Variants in TNRC18 observed in about 807,000 individuals in gnomAD.
TNRC18 encodes the protein trinucleotide repeat containing 18.
A neutral mutation model predicts 226.7 loss-of-function variants in TNRC18; 69 were observed. That is an observed-to-expected ratio of 0.30 (90% CI 0.25 to 0.37). The LOEUF (loss-of-function observed/expected upper bound fraction) is 0.37. Among genes scored for constraint, TNRC18 ranks in the 10% least tolerant of loss-of-function variants. The pLI, the probability that TNRC18 is intolerant of heterozygous loss-of-function variation, is 1.00. For missense variants in TNRC18, 4,754 were observed against 4,256.6 expected (o/e 1.12, Z -3.25); for synonymous variants, 2,449 against 1,927.6 (o/e 1.27, Z -7.09).
At chr7:5,384,833 G>A (rs1381810818) in intron 5 of TNRC18, among the ~76,000 whole-genome samples, 2 of 152,104 alleles carry the variant, frequency 1.3e-5, no homozygotes, top group Non-Finnish European at 2.9e-5. Context: ...AGAGTGTAGC[G>A]GGGCTTCCCT....
In TNRC18 at chr7:5,356,956, G is replaced by T; in HGVS notation, c.5154C>A (p.Ala1718=). ...TCACTTCCGAGGCAAACGGGGAATG[G>T]GCCGACTTGGGCTGGCCTCTGGCCT... The part of the protein sequence containing the change: ...GFKARGQPKS[A]HSPFASEVSS... Residue 1718 remains alanine (A), a synonymous_variant, in exon 16 of 30, where the codon GCC becomes GCA. Coordinates refer to ENST00000430969, the MANE Select transcript of TNRC18 (RefSeq NM_001080495.3). 6.4e-7 allele frequency: 1 copy of T among 1,551,504 alleles called. No individual in the cohort carries two copies. The highest frequency in any genetic ancestry group is 8.7e-7 in the Non-Finnish European group (1 of 1,146,814).
chr7:5,401,120 C>T (rs1444434641), intron 2 of TNRC18, among the ~76,000 whole-genome samples: 1 of 151,810 alleles, frequency 6.6e-6, no homozygotes, highest in East Asian at 1.9e-4. Flanking sequence ...GAGTGACTCA[C>T]CCACCATGTC....
rs756390137 is a variant in TNRC18 at position 5,357,289 on chromosome 7, G to C, written c.4834-13C>G. 1.2e-6 allele frequency: 2 copies of C among 1,602,844 alleles called. No individual in the cohort carries two copies. The highest frequency in any genetic ancestry group is 1.7e-6 in the Non-Finnish European group (2 of 1,174,046). ...TCTTAATCTTTAGCTGGAGAGGGAA[G>C]GTGGGTCATGGGTTAAAAGATCTGA... On this transcript the variant is annotated splice_polypyrimidine_tract_variant and intron_variant, in intron 15 of 29. Coordinates refer to ENST00000430969, the MANE Select transcript of TNRC18 (RefSeq NM_001080495.3).
At chr7:5,356,495 G>T (rs550223945) in intron 16 of TNRC18, among the ~76,000 whole-genome samples, 2 of 152,368 alleles carry the variant, frequency 1.3e-5, no homozygotes, top group South Asian at 4.1e-4. Context: ...GTGGGTAGGG[G>T]AGTCCGGTCA....
chr7:5,308,927 C>T lies in TNRC18; in HGVS notation c.8648G>A (p.Arg2883His), dbSNP rs368952480. 55 of 1,509,822 alleles carry T rather than the reference C, an allele frequency of 3.6e-5. No homozygotes were observed. In the Admixed American group the frequency reaches 3.7e-4, roughly 10 times the overall value. 93.5% of individuals were successfully genotyped at this position (1,509,822 alleles called of 1,614,324 possible). A position where few individuals can be genotyped will look rare whatever the true frequency, so the allele number is the denominator to read the frequency against. Residue 2883 changes from arginine to histidine, a missense_variant, in exon 29 of 30, where the codon CGC becomes CAC. Coordinates refer to ENST00000430969, the MANE Select transcript of TNRC18 (RefSeq NM_001080495.3). Reference sequence around the variant, plus strand: ...GACCCGCAGGGCCGCCGGGAGGCTGCGGCTGGACTTCTGGTCCCAGTGCTG... The same window carrying T: ...GACCCGCAGGGCCGCCGGGAGGCTGTGGCTGGACTTCTGGTCCCAGTGCTG... ...QGQHWDQKSS[R>H]SLPAALRVSS...
At chr7:5,420,353 T>C (rs75583325) in intron 2 of TNRC18, 47,246 of 455,864 alleles carry the variant, frequency 0.1, 6,645 homozygotes, top group African/African-American at 0.46. Flanking sequence ...ACCGCGATGG[T>C]CCGGTTTCGG....
At position 5,321,064 on chromosome 7, in the gene TNRC18, C is replaced by A. The variant is rs756376216; in HGVS notation, c.6560+9G>T. 17 of 1,531,388 alleles carry A rather than the reference C, an allele frequency of 1.1e-5. No homozygotes were observed. Among genetic ancestry groups the A allele is most frequent in the Middle Eastern group, 2.2e-4 (1 of 4,452 alleles). The allele number at this position is 1,531,388 out of a possible 1,614,324, so 94.9% of individuals were successfully genotyped here. A position where few individuals can be genotyped will look rare whatever the true frequency, so the allele number is the denominator to read the frequency against. On this transcript the variant is annotated intron_variant, in intron 22 of 29. Coordinates refer to ENST00000430969, the MANE Select transcript of TNRC18 (RefSeq NM_001080495.3). ...CGGGGCTCTGTGCCGGACCTCCCAC[C>A]CCACTCACATGTCTGGCGAGTGCAC...
intron 11 of TNRC18, among the ~76,000 whole-genome samples, 180 bp from the exon 12 acceptor site, chr7:5,363,005 G>A (rs1370714193): frequency 1.3e-5 from 2 of 152,230 alleles, no homozygotes; most frequent in Non-Finnish European, 2.9e-5. Flanking sequence ...AACAAGAACG[G>A]GGAGAAGGCC....
At chr7:5,389,540 C>G in intron 4 of TNRC18, 1 of 519,952 alleles carries the variant, frequency 1.9e-6, no homozygotes, top group Non-Finnish European at 2.8e-6. Context: ...CTGCAACCTC[C>G]ACCTCCTGGG....
intron 19 of TNRC18, among the ~76,000 whole-genome samples, chr7:5,329,297 G>C (rs1473392842): frequency 6.7e-6 from 1 of 148,920 alleles, no homozygotes; most frequent in Non-Finnish European, 1.5e-5. Flanking sequence ...GACAGATTCT[G>C]TCTTTAAAAA....
rs1337740828 is a variant in TNRC18 at position 5,370,937 on chromosome 7, A to G, written c.3657T>C (p.Cys1219=). ...GTTCAGGCCCCTCCACAAAGTCTGG[A>G]CACTCAGAGGGCTCTGCGCAGCTCT... ...TGQSCAEPSE[C]PDFVEGPEPR... Residue 1219 remains cysteine, a synonymous_variant, in exon 11 of 30, where the codon TGT becomes TGC. Coordinates refer to ENST00000430969, the MANE Select transcript of TNRC18 (RefSeq NM_001080495.3). 1 of 1,605,194 alleles carries G rather than the reference A, an allele frequency of 6.2e-7. No individual in the cohort carries two copies. The highest frequency in any genetic ancestry group is 1.7e-5 in the Admixed American group (1 of 60,012).
intron 18 of TNRC18, among the ~76,000 whole-genome samples, chr7:5,344,803 G>T (rs981423108): frequency 1.3e-5 from 2 of 152,190 alleles, no homozygotes; most frequent in Non-Finnish European, 1.5e-5. Flanking sequence ...CTGCGTCCGT[G>T]TGAGGGCACT....
Position 5,309,086 on chromosome 7 carries a change from C to T in TNRC18, c.8625+46G>A. Reference sequence around the variant, plus strand: ...CAGAACGCCTCGCCCTCAGGTCTGCCCTACACCGCCTAGGACTGGGGGCCG... The same window carrying T: ...CAGAACGCCTCGCCCTCAGGTCTGCTCTACACCGCCTAGGACTGGGGGCCG... On this transcript the variant is annotated intron_variant, in intron 28 of 29. Transcript: ENST00000430969. The surrounding 1 kb of genome is among the most constrained non-coding windows in gnomAD (Gnocchi z 5.7). 4 of 1,546,208 alleles carry T rather than the reference C, an allele frequency of 2.6e-6. No individual in the cohort carries two copies. The highest frequency in any genetic ancestry group is 2.6e-6 in the Non-Finnish European group (3 of 1,139,968).
At chr7:5,328,315 G>A (rs1288146882) in intron 19 of TNRC18, among the ~76,000 whole-genome samples, 3 of 152,146 alleles carry the variant, frequency 2.0e-5, no homozygotes, top group Non-Finnish European at 4.4e-5. Flanking sequence ...TTGAGCCCAG[G>A]AGTTCAAGAC....
intron 17 of TNRC18, among the ~76,000 whole-genome samples, chr7:5,348,663 G>GGAGGGAGGCAGGAGCCAGAGGGA (rs1791460367): frequency 6.8e-6 from 1 of 147,126 alleles, no homozygotes; most frequent in African/African-American, 2.5e-5. Context: ...AGGGAGGGAG[G>GGAGGGAGGCAGGAGCCAGAGGGA]GAGGGAGGCA....
chr7:5,323,750 T>G lies in TNRC18; in HGVS notation c.6442+464A>C, dbSNP rs907393414. Among the ~76,000 whole-genome samples, 3 of 151,896 alleles carry G rather than the reference T, an allele frequency of 2.0e-5. No individual in the cohort carries two copies. In the South Asian group the frequency reaches 6.2e-4, roughly 32 times the overall value. ...ACCCAGCTAATTTTTGTATTTTCAG[T>G]AGAATCAGGGTTTCACCATGTTGGC... is the stretch of plus-strand genomic sequence containing the variant. On this transcript the variant is annotated intron_variant, in intron 21 of 29. Coordinates refer to ENST00000430969, the MANE Select transcript of TNRC18 (RefSeq NM_001080495.3).
chr7:5,339,483 A>G (rs533717923), intron 18 of TNRC18, among the ~76,000 whole-genome samples: 1 of 150,516 alleles, frequency 6.6e-6, no homozygotes, highest in South Asian at 2.1e-4. Context: ...CTGATGTTCT[A>G]TCTGCCTCGG....
At chr7:5,331,988 C>G (rs1476597347) in intron 19 of TNRC18, among the ~76,000 whole-genome samples, 1 of 151,992 alleles carries the variant, frequency 6.6e-6, no homozygotes, top group African/African-American at 2.4e-5. Flanking sequence ...TAAATACATC[C>G]CTAAAGGAAT....
At position 5,353,003 on chromosome 7, in the gene TNRC18, C is replaced by T. The variant is rs955301881; in HGVS notation, c.5195-909G>A. ...AGAAACCACATGCACGCATCCGTGG[C>T]GGGCATTCCTCTGACTGCTCCCACC... On this transcript the variant is annotated intron_variant, in intron 16 of 29. Coordinates refer to ENST00000430969, the MANE Select transcript of TNRC18 (RefSeq NM_001080495.3). Among the ~76,000 whole-genome samples the T allele has an allele frequency of 3.3e-5, 5 of 152,220 alleles. 1 individual carries two copies. The highest frequency in any genetic ancestry group is 2.6e-4 in the Admixed American group (4 of 15,284).
Sources: allele counts gnomAD v4.1 joint callset (sites outside exome capture counted in the v4.1 genomes callset), GRCh38; gene constraint gnomAD v4.1.1; non-coding constraint Gnocchi (gnomAD v3.1); transcripts MANE v1.5; gene names NCBI Gene and HGNC (gene_info 2026-07-23, HGNC 2026-07-21).